The following DLG2 variants were observed in gnomAD, a reference collection of about 807,000 sequenced individuals.
DLG2 encodes the protein disks large homolog 2.
In DLG2, 45 loss-of-function variants were observed where a neutral mutation model predicts 132.5. The ratio of observed to expected loss-of-function variants is 0.34; its 90% CI spans 0.27 to 0.44. The LOEUF is 0.44. DLG2 is among the 20% of genes least tolerant of loss of function. The pLI is 1.00. For missense variants in DLG2, 1,045 were observed against 1,196.9 expected (o/e 0.87, Z 1.87); for synonymous variants, 424 against 419.6 (o/e 1.01, Z -0.13).
At chr11:83,540,367 G>A (rs1004579946) in intron 20 of DLG2, among the ~76,000 whole-genome samples, 3 of 152,154 alleles carry the variant, frequency 2.0e-5, no homozygotes, top group Non-Finnish European at 4.4e-5. Flanking sequence ...GAAAAGCAAT[G>A]TTAGGCAATT....
chr11:85,529,885 G>T (rs2075064602), intron 3 of DLG2, among the ~76,000 whole-genome samples: 1 of 151,884 alleles, frequency 6.6e-6, no homozygotes, highest in Admixed American at 6.6e-5. Flanking sequence ...ATCCTCACAT[G>T]AAACTATGGC....
chr11:84,763,722 A>T (rs750677056), intron 6 of DLG2, among the ~76,000 whole-genome samples: 2 of 152,216 alleles, frequency 1.3e-5, no homozygotes, highest in African/African-American at 4.8e-5. Context: ...AGTGCCAGGT[A>T]TACAGTAGTC....
At chr11:84,074,931 A>G (rs150221397) in intron 10 of DLG2, among the ~76,000 whole-genome samples, 1 of 152,262 alleles carries the variant, frequency 6.6e-6, no homozygotes, top group Non-Finnish European at 1.5e-5. Flanking sequence ...CAAAGCCCTT[A>G]CCTGCCTTAC....
chr11:84,343,123 C>T (rs1361954929), intron 7 of DLG2, among the ~76,000 whole-genome samples: 1 of 152,140 alleles, frequency 6.6e-6, no homozygotes, highest in East Asian at 1.9e-4. Flanking sequence ...AAATAACTGT[C>T]TGGAGAAGAG....
Position 84,556,940 on chromosome 11 carries a change from T to C in DLG2, c.358-22209A>G, listed in dbSNP as rs191374871. Among the ~76,000 whole-genome samples the C allele has an allele frequency of 2.0e-5, 3 of 152,278 alleles. No homozygotes were observed. The East Asian group carries it at 5.8e-4, about 29-fold the overall frequency. ...CAAACTTCCTCATAACTGCCATCCA[T>C]CTTTAAAAAGTATTACCAGCAGAAT... On this transcript the variant is annotated intron_variant, in intron 6 of 27. Coordinates refer to ENST00000376104, the MANE Select transcript of DLG2 (RefSeq NM_001142699.3).
intron 3 of DLG2, among the ~76,000 whole-genome samples, chr11:85,385,316 C>A (rs191055802): frequency 6.6e-6 from 1 of 152,272 alleles, no homozygotes; most frequent in Admixed American, 6.5e-5. Context: ...GAAGCATATA[C>A]CACTGTGCTC....
intron 18 of DLG2, among the ~76,000 whole-genome samples, chr11:83,683,465 T>A (rs2079167581): frequency 6.6e-6 from 1 of 152,196 alleles, no homozygotes; most frequent in Admixed American, 6.5e-5. Context: ...TACACTAAAC[T>A]GCTAGAGGCA....
At chr11:85,349,829 G>A (rs2083142410) in intron 3 of DLG2, among the ~76,000 whole-genome samples, 1 of 152,104 alleles carries the variant, frequency 6.6e-6, no homozygotes. Flanking sequence ...CATTTTGGTT[G>A]GTTCCAAGTC....
intron 3 of DLG2, among the ~76,000 whole-genome samples, chr11:85,456,165 T>A (rs1216221973): frequency 6.6e-6 from 1 of 152,102 alleles, no homozygotes; most frequent in Non-Finnish European, 1.5e-5. Flanking sequence ...TCACTATTAG[T>A]CTGTTCAGGG....
At chr11:83,973,876 C>G in intron 12 of DLG2, among the ~76,000 whole-genome samples, 1 of 151,996 alleles carries the variant, frequency 6.6e-6, no homozygotes, top group Non-Finnish European at 1.5e-5. Context: ...AGGAATTTAA[C>G]TTCAGGACAT....
intron 8 of DLG2, among the ~76,000 whole-genome samples, chr11:84,201,988 T>G (rs536308961): frequency 4.6e-5 from 7 of 151,728 alleles, no homozygotes; most frequent in African/African-American, 1.7e-4. Context: ...CTGACTAATT[T>G]TTGTATTTTT....
chr11:83,546,724 T>A (rs1474562305), intron 19 of DLG2, among the ~76,000 whole-genome samples: 1 of 152,080 alleles, frequency 6.6e-6, no homozygotes, highest in Admixed American at 6.6e-5. Flanking sequence ...TGATAAGAAA[T>A]GTTGTACTTA....
At chr11:84,650,867 G>GTATATATATATATATATATA (rs1158584073) in intron 6 of DLG2, among the ~76,000 whole-genome samples, 2 of 95,668 alleles carry the variant, frequency 2.1e-5, no homozygotes, top group African/African-American at 5.1e-5. Flanking sequence ...GTGTGTGTGT[G>GTATATATATATATATATATA]TGTGTGTATA....
chr11:84,119,448 T>C (rs1258599077), intron 9 of DLG2, among the ~76,000 whole-genome samples: 1 of 151,052 alleles, frequency 6.6e-6, no homozygotes, highest in East Asian at 1.9e-4. Context: ...ATTTCATATA[T>C]GTTATATATA....
intron 14 of DLG2, among the ~76,000 whole-genome samples, chr11:83,957,355 T>C (rs2154152743): frequency 6.6e-6 from 1 of 152,306 alleles, no homozygotes; most frequent in East Asian, 1.9e-4. Context: ...ACTATAAAAA[T>C]GGTCAGTAGT....
chr11:84,805,129 A>C (rs2075844573), intron 6 of DLG2, among the ~76,000 whole-genome samples: 1 of 152,116 alleles, frequency 6.6e-6, no homozygotes. Context: ...TAGCAGTAAA[A>C]GTGTATTACT....
chr11:85,108,223 AG>A (rs2072127669), intron 6 of DLG2, among the ~76,000 whole-genome samples: 1 of 152,078 alleles, frequency 6.6e-6, no homozygotes, highest in South Asian at 2.1e-4. Context: ...CCTAATTATG[AG>A]GATACAATCA....
chr11:85,331,108 A>G (rs2081703395), intron 3 of DLG2, among the ~76,000 whole-genome samples: 1 of 152,214 alleles, frequency 6.6e-6, no homozygotes, highest in South Asian at 2.1e-4. Context: ...TAATGTTGAC[A>G]TTCACTTTAT....
At chr11:84,557,820 C>G (rs1250243345) in intron 6 of DLG2, among the ~76,000 whole-genome samples, 1 of 152,038 alleles carries the variant, frequency 6.6e-6, no homozygotes, top group Admixed American at 6.6e-5. Flanking sequence ...TAGAGGAGTT[C>G]TGGGTCTTAG....
Sources: gnomAD v4.1 joint callset for allele counts (sites outside exome capture counted in the v4.1 genomes callset) on GRCh38, gnomAD v4.1.1 for gene constraint, MANE v1.5 for transcripts, NCBI Gene and HGNC (gene_info 2026-07-23, HGNC 2026-07-21) for gene names.